GPC4: variants seen among roughly 807,000 people sequenced by gnomAD.
GPC4 encodes glypican 4, also known as glypican-4.
A neutral mutation model predicts 35.0 loss-of-function variants in GPC4; 10 were observed. The ratio of observed to expected loss-of-function variants is 0.29; its 90% CI spans 0.18 to 0.48. GPC4 has a LOEUF of 0.48. Among genes scored for constraint, GPC4 ranks in the 20% least tolerant of loss-of-function variants. GPC4 has a pLI of 0.99. For missense variants in GPC4, 322 were observed against 451.3 expected (o/e 0.71, Z 2.60); for synonymous variants, 167 against 170.2 (o/e 0.98, Z 0.15).
chrX:133,350,067 G>A (rs1475652636), intron 1 of GPC4, among the ~76,000 whole-genome samples: 2 of 111,536 alleles, frequency 1.8e-5, no homozygotes, highest in Non-Finnish European at 3.8e-5. Flanking sequence ...AAAATACAGC[G>A]TGGTAAGAGG....
chrX:133,335,383 A>G lies in GPC4; in HGVS notation c.319+3800T>C, dbSNP rs2068437781. Among the ~76,000 whole-genome samples, 3 of 111,514 alleles carry G rather than the reference A, an allele frequency of 2.7e-5. No homozygotes were observed. The Admixed American group carries it at 2.9e-4, about 11-fold the overall frequency. The stretch of plus-strand genomic sequence containing the variant: ...AAACTCAGTGATATAGATTTAAAAT[A>G]TAAGAAATCTGATGATTTTTGAGGG... On this transcript the variant is annotated intron_variant, in intron 2 of 8. Transcript: ENST00000370828.
chrX:133,391,473 T>G (rs2068719267), intron 1 of GPC4, among the ~76,000 whole-genome samples: 2 of 112,225 alleles, frequency 1.8e-5, no homozygotes, highest in Non-Finnish European at 3.8e-5. Flanking sequence ...CCAAATCCTT[T>G]TAGTTCTGTA....
At chrX:133,363,810 G>C (rs1229455233) in intron 1 of GPC4, among the ~76,000 whole-genome samples, 1 of 111,341 alleles carries the variant, frequency 9.0e-6, no homozygotes, top group Non-Finnish European at 1.9e-5. Flanking sequence ...GAAATCCTGT[G>C]CCTATCAGCA....
intron 1 of GPC4, among the ~76,000 whole-genome samples, chrX:133,401,564 G>A (rs1052202227): frequency 8.9e-6 from 1 of 111,998 alleles, no homozygotes; most frequent in African/African-American, 3.2e-5. Flanking sequence ...GAAAATTGAT[G>A]CAGTCCCTTA....
At position 133,320,668 on chromosome X, in the gene GPC4, A is replaced by T. The variant is rs749159891; in HGVS notation, c.711+3477T>A. Among the ~76,000 whole-genome samples the T allele has an allele frequency of 3.7e-5, 4 of 108,914 alleles. No homozygotes were observed. In the South Asian group the frequency reaches 1.2e-3, roughly 33 times the overall value. The allele number at this position is 108,914 out of a possible 115,157, so 94.6% of individuals were successfully genotyped here. On this transcript the variant is annotated intron_variant, in intron 3 of 8. Transcript: ENST00000370828. ...AAAAGTAAATTTCTCAAAGAATTTA[A>T]CAATACTAAGGTAGACAGGGGATCT...
intron 2 of GPC4, among the ~76,000 whole-genome samples, chrX:133,330,924 AGAGT>A (rs2068417109): frequency 9.1e-6 from 1 of 110,020 alleles, no homozygotes; most frequent in Non-Finnish European, 1.9e-5. Context: ...CCTGGGCAAC[AGAGT>A]GAGACCCTAA....
Position 133,339,182 on chromosome X carries a change from C to A in GPC4, c.319+1G>T. ...TCTTACATATGACTTGAATAACATA[C>A]CATCAAACTTCTTGTAACGTGAAGC... is the stretch of plus-strand genomic sequence containing the variant. On this transcript the variant is annotated splice_donor_variant, in intron 2 of 8. Coordinates refer to ENST00000370828, the MANE Select transcript of GPC4 (RefSeq NM_001448.3). LOFTEE classifies it high-confidence loss of function. The A allele has an allele frequency of 8.3e-7, 1 of 1,210,660 alleles. No individual in the cohort carries two copies. The highest frequency in any genetic ancestry group is 1.1e-6 in the Non-Finnish European group (1 of 894,879).
chrX:133,404,685 T>C (rs1442426103), intron 1 of GPC4, among the ~76,000 whole-genome samples: 3 of 108,308 alleles, frequency 2.8e-5, no homozygotes, highest in African/African-American at 6.8e-5. Flanking sequence ...TGAAAGCCCA[T>C]CTCTACTAAA....
chrX:133,389,584 G>A (rs980858000), intron 1 of GPC4, among the ~76,000 whole-genome samples: 5 of 111,390 alleles, frequency 4.5e-5, no homozygotes, highest in Non-Finnish European at 9.4e-5. Context: ...AAAGGCCTGC[G>A]GGCGAGACGA....
chrX:133,354,718 G>A (rs946144169), intron 1 of GPC4, among the ~76,000 whole-genome samples: 2 of 106,537 alleles, frequency 1.9e-5, no homozygotes, highest in African/African-American at 3.5e-5. Flanking sequence ...ACAGGCGCCC[G>A]CCACCGCGCC....
Position 133,300,958 on chromosome X carries a change from A to C in GPC4, c.*1909T>G, listed in dbSNP as rs981852274. ...AGCTATTTACAATCTATTTTCCCTT[A>C]TATATAAATGGAGTGCCTTTTCAAT... On this transcript the variant is annotated 3_prime_UTR_variant, in exon 9 of 9. Coordinates refer to ENST00000370828, the MANE Select transcript of GPC4 (RefSeq NM_001448.3). 2 of 110,954 alleles carry C rather than the reference A, an allele frequency of 1.8e-5. No homozygotes were observed. The highest frequency in any genetic ancestry group is 1.9e-4 in the Admixed American group (2 of 10,449). 9.1% of individuals were successfully genotyped at this position (110,954 alleles called of 1,213,427 possible).
At chrX:133,316,075 T>A (rs1420794563) in intron 3 of GPC4, among the ~76,000 whole-genome samples, 1 of 111,617 alleles carries the variant, frequency 9.0e-6, no homozygotes, top group East Asian at 2.8e-4. Context: ...GTCATGAGGG[T>A]TTTGATGTCA....
chrX:133,305,229 A>G (rs1343083157), intron 6 of GPC4, among the ~76,000 whole-genome samples: 1 of 111,641 alleles, frequency 9.0e-6, no homozygotes. Context: ...CATAGCTGCT[A>G]TTGCTCTTTC....
intron 4 of GPC4, among the ~76,000 whole-genome samples, chrX:133,310,253 T>C (rs2068309222): frequency 1.8e-5 from 2 of 111,708 alleles, no homozygotes; most frequent in Non-Finnish European, 1.9e-5. Flanking sequence ...CAGGTGCTTA[T>C]AAAGACACTC....
At chrX:133,384,829 A>C (rs1433656058) in intron 1 of GPC4, among the ~76,000 whole-genome samples, 1 of 111,404 alleles carries the variant, frequency 9.0e-6, no homozygotes, top group Non-Finnish European at 1.9e-5. Flanking sequence ...ACACAACAGA[A>C]AGAGTATCTG....
chrX:133,304,095 C>T (rs1341241863), intron 7 of GPC4, among the ~76,000 whole-genome samples: 1 of 106,148 alleles, frequency 9.4e-6, no homozygotes, highest in Non-Finnish European at 1.9e-5. Flanking sequence ...AGATCAAGAC[C>T]ATCCTGGCTA....
At position 133,311,164 on chromosome X, in the gene GPC4, A is replaced by G. The variant is rs192130195; in HGVS notation, c.877+94T>C. The G allele has an allele frequency of 2.7e-5, 26 of 947,132 alleles. No individual in the cohort carries two copies. In the East Asian group the frequency reaches 4.6e-4, roughly 17 times the overall value. The allele number at this position is 947,132 out of a possible 1,213,427, so 78.1% of individuals were successfully genotyped here. A position where few individuals can be genotyped will look rare whatever the true frequency, so the allele number is the denominator to read the frequency against. The stretch of plus-strand genomic sequence containing the variant: ...ACAAACACTAAATAGCAAACACTTA[A>G]ACAAACAAATTTCATAGCTGCCAAT... On this transcript the variant is annotated intron_variant, in intron 4 of 8. Coordinates refer to ENST00000370828, the MANE Select transcript of GPC4 (RefSeq NM_001448.3).
intron 1 of GPC4, among the ~76,000 whole-genome samples, chrX:133,407,830 G>A (rs2068796165): frequency 8.9e-6 from 1 of 112,232 alleles, no homozygotes; most frequent in South Asian, 3.7e-4. Context: ...AGTCATGCCG[G>A]GTTCTTTTTT....
At chrX:133,396,087 T>C (rs2068741496) in intron 1 of GPC4, among the ~76,000 whole-genome samples, 1 of 111,876 alleles carries the variant, frequency 8.9e-6, no homozygotes, top group African/African-American at 3.2e-5. Context: ...TGTTATTCTT[T>C]CTTAATGATC....
Sources: allele counts gnomAD v4.1 joint callset (sites outside exome capture counted in the v4.1 genomes callset), GRCh38; gene constraint gnomAD v4.1.1; transcripts MANE v1.5; gene names NCBI Gene and HGNC (gene_info 2026-07-23, HGNC 2026-07-21).